Variants in SLC13A4 observed in about 807,000 individuals in gnomAD.
The protein encoded by SLC13A4 is Na(+)/sulfate cotransporter SUT-1.
In SLC13A4, 28 loss-of-function variants were observed where a neutral mutation model predicts 72.7. The observed-to-expected ratio is 0.39, with a 90% confidence interval of 0.29 to 0.53. SLC13A4 has a LOEUF of 0.53. Ranked by LOEUF, SLC13A4 falls within the 20% of genes least tolerant of loss-of-function variation. SLC13A4 has a pLI of 0.78. For missense variants in SLC13A4, 653 were observed against 788.0 expected, an observed-to-expected ratio of 0.83 and a Z score of 2.05; for synonymous variants, 312 against 325.5, an observed-to-expected ratio of 0.96 and a Z score of 0.45.
chr7:135,691,502 G>A, intron 12 of SLC13A4, 46 bp downstream of exon 12: 2 of 1,550,378 alleles, frequency 1.3e-6, no homozygotes, highest in Non-Finnish European at 1.8e-6. Flanking sequence ...GTCTGATTTG[G>A]GTATTCTTCA....
intron 11 of SLC13A4, chr7:135,692,118 A>C (rs911373201): frequency 3.4e-6 from 2 of 585,566 alleles, no homozygotes; most frequent in Non-Finnish European, 3.0e-6. Flanking sequence ...ATGAGACTAC[A>C]TGCAGCACTG....
At chr7:135,723,093 C>T (rs879406353) in intron 1 of SLC13A4, among the ~76,000 whole-genome samples, 2 of 152,154 alleles carry the variant, frequency 1.3e-5, no homozygotes, top group Non-Finnish European at 2.9e-5. Flanking sequence ...CTAGACATTG[C>T]CAAATGTCCC....
chr7:135,690,404 A>G (rs1212594345), intron 13 of SLC13A4, among the ~76,000 whole-genome samples: 1 of 152,148 alleles, frequency 6.6e-6, no homozygotes, highest in Non-Finnish European at 1.5e-5. Context: ...AAAATCAAGA[A>G]GCATTTACAT....
At chr7:135,725,893 C>T (rs1289583181) in intron 1 of SLC13A4, among the ~76,000 whole-genome samples, 1 of 152,144 alleles carries the variant, frequency 6.6e-6, no homozygotes, top group African/African-American at 2.4e-5. Flanking sequence ...TGCTTAACCC[C>T]AGGAGCTCAA....
chr7:135,682,952 T>C (rs1422315346), intron 15 of SLC13A4, among the ~76,000 whole-genome samples: 2 of 151,930 alleles, frequency 1.3e-5, no homozygotes, highest in Non-Finnish European at 2.9e-5. Flanking sequence ...GCTGGGACAC[T>C]CCATTCAAGG....
chr7:135,701,866 G>T (rs1294489490), intron 6 of SLC13A4, 106 bp from the exon 7 acceptor site: 9 of 1,091,184 alleles, frequency 8.2e-6, no homozygotes, highest in Non-Finnish European at 1.2e-5. Context: ...CCTCAGCACT[G>T]TGGGAACCAG....
chr7:135,712,598 G>T (rs2129495078), intron 2 of SLC13A4, among the ~76,000 whole-genome samples: 1 of 152,256 alleles, frequency 6.6e-6, no homozygotes, highest in Non-Finnish European at 1.5e-5. Context: ...GACTCTTCCT[G>T]TTGTGAAGTG....
intron 14 of SLC13A4, 137 bp from the exon 15 acceptor site, chr7:135,684,398 C>G: frequency 1.0e-6 from 1 of 981,034 alleles, no homozygotes; most frequent in Non-Finnish European, 1.4e-6. Context: ...AGTTAGGTCT[C>G]TGCCCTCTGG....
chr7:135,725,041 C>G (rs1796626677), intron 1 of SLC13A4, among the ~76,000 whole-genome samples: 1 of 152,176 alleles, frequency 6.6e-6, no homozygotes, highest in Non-Finnish European at 1.5e-5. Flanking sequence ...TTCTGCAACC[C>G]CCAGGCTCTT....
chr7:135,697,614 A>G (rs1795932837), intron 8 of SLC13A4, among the ~76,000 whole-genome samples: 1 of 148,554 alleles, frequency 6.7e-6, no homozygotes. Context: ...TTTTTCATCC[A>G]GAATGAGTTT....
At chr7:135,686,720 G>C (rs577825669) in intron 13 of SLC13A4, among the ~76,000 whole-genome samples, 2 of 152,256 alleles carry the variant, frequency 1.3e-5, no homozygotes, top group East Asian at 3.9e-4. Flanking sequence ...TGACCGTCCT[G>C]AATTTATTCC....
intron 8 of SLC13A4, 39 bp from the exon 9 acceptor site, chr7:135,695,526 G>T: frequency 6.2e-7 from 1 of 1,600,238 alleles, no homozygotes; most frequent in East Asian, 2.3e-5. Context: ...TAGAAAGGGA[G>T]GGTTTCCATA....
At position 135,705,896 on chromosome 7, in the gene SLC13A4, C is replaced by T. The variant is rs1796148879; in HGVS notation, c.538+232G>A. On this transcript the variant is annotated intron_variant, in intron 4 of 15. Transcript: ENST00000682651. The stretch of plus-strand genomic sequence containing the variant: ...CCCTTGAGCATTTGGGGGAAAAGAG[C>T]CCAGAAGTGAAGGAGGAAGGAAGAG... 2.0e-5 allele frequency: 11 copies of T among 560,840 alleles called. No individual in the cohort carries two copies. In the South Asian group the frequency reaches 2.9e-4, roughly 15 times the overall value. 34.7% of individuals were successfully genotyped at this position (560,840 alleles called of 1,614,324 possible). A position where few individuals can be genotyped will look rare whatever the true frequency, so the allele number is the denominator to read the frequency against.
intron 2 of SLC13A4, among the ~76,000 whole-genome samples, chr7:135,718,828 C>G (rs191738287): frequency 1.3e-5 from 2 of 152,304 alleles, no homozygotes; most frequent in East Asian, 3.9e-4. Flanking sequence ...TGAGCCATGG[C>G]ACATTCTGGT....
chr7:135,704,462 T>C (rs993550187), intron 5 of SLC13A4: 3 of 152,206 alleles, frequency 2.0e-5, no homozygotes, highest in African/African-American at 7.3e-5. Context: ...CTAGAGCTGC[T>C]GTCCTAAGCC....
At chr7:135,696,340 T>C (rs1456077582) in intron 8 of SLC13A4, among the ~76,000 whole-genome samples, 1 of 152,082 alleles carries the variant, frequency 6.6e-6, no homozygotes, top group East Asian at 1.9e-4. Flanking sequence ...CTACTTTCCT[T>C]TTATTTTTTT....
intron 2 of SLC13A4, among the ~76,000 whole-genome samples, chr7:135,712,825 G>A (rs751008715): frequency 3.9e-5 from 6 of 152,170 alleles, no homozygotes; most frequent in African/African-American, 1.2e-4. Context: ...CAAGATTCTC[G>A]AGGATGATTG....
intron 2 of SLC13A4, among the ~76,000 whole-genome samples, chr7:135,709,415 C>CTTTCT (rs1554478205): frequency 3.3e-4 from 18 of 54,652 alleles, no homozygotes; most frequent in African/African-American, 8.7e-4. Flanking sequence ...TCCTTTCTTT[C>CTTTCT]TTTTTTTTTT....
At chr7:135,706,335 C>T (rs201737371) in intron 3 of SLC13A4, 35 bp from the exon 4 acceptor site, 40 of 1,565,920 alleles carry the variant, frequency 2.6e-5, no homozygotes, top group African/African-American at 1.7e-4. Context: ...AGAGCGTCCA[C>T]GGAACACACA....
Sources: allele counts gnomAD v4.1 joint callset (sites outside exome capture counted in the v4.1 genomes callset), GRCh38; gene constraint gnomAD v4.1.1; transcripts MANE v1.5; gene names NCBI Gene and HGNC (gene_info 2026-07-23, HGNC 2026-07-21).